FXYD6: variants seen among roughly 807,000 people sequenced by gnomAD.
FXYD6 encodes FXYD domain-containing ion transport regulator 6.
In FXYD6, 7 loss-of-function variants were observed where a neutral mutation model predicts 16.7. That is an observed-to-expected ratio of 0.42 (90% CI 0.24 to 0.79). FXYD6 has a LOEUF of 0.79. Ranked by LOEUF, FXYD6 falls within the 30% of genes least tolerant of loss-of-function variation. The pLI is 0.28. For synonymous variants in FXYD6, 49 were observed against 43.0 expected, an observed-to-expected ratio of 1.14 and a Z score of -0.54; for missense variants, 111 against 116.2, an observed-to-expected ratio of 0.95 and a Z score of 0.21.
At chr11:117,861,223 AC>A (rs1480559470) in intron 1 of FXYD6, among the ~76,000 whole-genome samples, 2 of 152,020 alleles carry the variant, frequency 1.3e-5, no homozygotes, top group African/African-American at 4.8e-5. Flanking sequence ...CCCCACTCGA[AC>A]CCTGCTGGTC....
chr11:117,847,614 T>C (rs2056503372), intron 1 of FXYD6, among the ~76,000 whole-genome samples: 1 of 149,698 alleles, frequency 6.7e-6, no homozygotes, highest in Non-Finnish European at 1.5e-5. Flanking sequence ...ACATGCGGTG[T>C]TTGGTTTTTT....
At chr11:117,875,582 AG>A (rs766115818) in intron 1 of FXYD6, among the ~76,000 whole-genome samples, 1 of 152,176 alleles carries the variant, frequency 6.6e-6, no homozygotes, top group Non-Finnish European at 1.5e-5. Flanking sequence ...GGATCCCCAA[AG>A]GGGGCTCCTT....
chr11:117,840,295 G>C (rs762999755), intron 6 of FXYD6, 24 bp downstream of exon 6: 3 of 1,614,096 alleles, frequency 1.9e-6, no homozygotes, highest in African/African-American at 2.7e-5. Context: ...TTTTCCACCT[G>C]GGCAGGTGGT....
At chr11:117,860,031 C>T (rs999915596) in intron 1 of FXYD6, among the ~76,000 whole-genome samples, 3 of 152,118 alleles carry the variant, frequency 2.0e-5, no homozygotes, top group Non-Finnish European at 2.9e-5. Context: ...CTTTTGTTAT[C>T]GTCAAAAGCA....
chr11:117,866,329 T>TG (rs1402522860), intron 1 of FXYD6, among the ~76,000 whole-genome samples: 2 of 151,362 alleles, frequency 1.3e-5, no homozygotes, highest in Non-Finnish European at 2.9e-5. Context: ...AAAAAAAAAC[T>TG]GGGGGGGAAA....
chr11:117,858,644 T>TTCTTTCC (rs2056800313), intron 1 of FXYD6, among the ~76,000 whole-genome samples: 3 of 87,546 alleles, frequency 3.4e-5, no homozygotes, highest in African/African-American at 1.1e-4. Flanking sequence ...TCTTTCTTTC[T>TTCTTTCC]TTCTTTCTTT....
chr11:117,841,641 A>G (rs1484723988), intron 4 of FXYD6, 150 bp downstream of exon 4: 1 of 765,320 alleles, frequency 1.3e-6, no homozygotes, highest in Non-Finnish European at 2.2e-6. Context: ...CTATGTGCCC[A>G]GCACTCTACT....
intron 1 of FXYD6, among the ~76,000 whole-genome samples, chr11:117,867,450 T>C (rs1157730609): frequency 1.3e-5 from 2 of 152,188 alleles, no homozygotes; most frequent in Non-Finnish European, 2.9e-5. Context: ...ACTTACCTAA[T>C]AGTGCAGTAG....
At chr11:117,849,073 A>G (rs1324789786) in intron 1 of FXYD6, among the ~76,000 whole-genome samples, 2 of 152,162 alleles carry the variant, frequency 1.3e-5, no homozygotes, top group Non-Finnish European at 2.9e-5. Flanking sequence ...TTATTTTCCA[A>G]TATAAGCATT....
chr11:117,864,470 C>T (rs2134194529), intron 1 of FXYD6, among the ~76,000 whole-genome samples: 1 of 152,292 alleles, frequency 6.6e-6, no homozygotes, highest in Non-Finnish European at 1.5e-5. Context: ...ACACGTAAAA[C>T]CTAAAACTTA....
chr11:117,858,703 C>CTTTT (rs72107481), intron 1 of FXYD6, among the ~76,000 whole-genome samples: 40 of 95,372 alleles, frequency 4.2e-4, no homozygotes, highest in African/African-American at 1.5e-3. Flanking sequence ...TTCTTTCTTT[C>CTTTT]TCTCTCTCTC....
chr11:117,841,771 G>C lies in FXYD6; in HGVS notation c.172+20C>G, dbSNP rs373756681. The C allele has an allele frequency of 8.4e-5, 135 of 1,613,252 alleles. No homozygotes were observed. The highest frequency in any genetic ancestry group is 1.1e-4 in the Non-Finnish European group (128 of 1,179,878). ...CCTCAGTCATTGCTCTTAACAGAGT[G>C]AGCAAAAGAACAAACTTACTTAGGA... is the stretch of plus-strand genomic sequence containing the variant. On this transcript the variant is annotated intron_variant, in intron 4 of 7. Coordinates refer to ENST00000526014, the MANE Select transcript of FXYD6 (RefSeq NM_022003.4).
At chr11:117,873,111 C>A (rs1160903162) in intron 1 of FXYD6, among the ~76,000 whole-genome samples, 1 of 152,172 alleles carries the variant, frequency 6.6e-6, no homozygotes, top group Admixed American at 6.5e-5. Context: ...GAGGAGGTGG[C>A]TCCCTCAGCC....
rs1017484633 is a variant in FXYD6, at chr11:117,841,646, T to G, written c.172+145A>C. 3 of 798,064 alleles carry G rather than the reference T, an allele frequency of 3.8e-6. No individual in the cohort carries two copies. The African/African-American group carries it at 5.1e-5, about 14-fold the overall frequency. 49.4% of individuals were successfully genotyped at this position (798,064 alleles called of 1,614,324 possible). Reference sequence around the variant, plus strand: ...TGAGCACTTACTATGTGCCCAGCACTCTACTGGGTCGTGAAGATAACACGG... The same window carrying G: ...TGAGCACTTACTATGTGCCCAGCACGCTACTGGGTCGTGAAGATAACACGG... On this transcript the variant is annotated intron_variant, in intron 4 of 7. Coordinates refer to ENST00000526014, the MANE Select transcript of FXYD6 (RefSeq NM_022003.4).
chr11:117,842,008 T>C lies in FXYD6; in HGVS notation c.79A>G (p.Met27Val), dbSNP rs2056358620. 3 of 1,614,186 alleles carry C rather than the reference T, an allele frequency of 1.9e-6. No homozygotes were observed. Among genetic ancestry groups the C allele is most frequent in the African/African-American group, 1.3e-5 (1 of 75,046 alleles). Residue 27 changes from methionine to valine, a missense_variant, in exon 3 of 8, where the codon ATG becomes GTG. Met to Val is a conservative substitution (Grantham distance 21). Transcript: ENST00000526014. The part of the protein sequence containing the change: ...LASAAEKEKE[M>V]DPFHYDYQTL... ...CGCTCACCATAATGAAAAGGGTCCA[T>C]TTCCTTCTCCTTTTCAGCTGCTGCA...
At chr11:117,876,316 G>C (rs1356465513) in intron 1 of FXYD6, among the ~76,000 whole-genome samples, 1 of 152,084 alleles carries the variant, frequency 6.6e-6, no homozygotes, top group African/African-American at 2.4e-5. Context: ...AGGCAGCACC[G>C]AGAGCAATTC....
At chr11:117,840,264 G>A in intron 6 of FXYD6, 55 bp downstream of exon 6, 6 of 1,611,956 alleles carry the variant, frequency 3.7e-6, no homozygotes, top group Non-Finnish European at 5.1e-6. Flanking sequence ...CTGAGCCACA[G>A]AGGGGTCTCT....
intron 1 of FXYD6, among the ~76,000 whole-genome samples, chr11:117,864,403 A>C (rs1397350995): frequency 6.6e-6 from 1 of 152,238 alleles, no homozygotes; most frequent in Non-Finnish European, 1.5e-5. Flanking sequence ...AAAAGAATAA[A>C]GGTAGACCCT....
chr11:117,858,715 C>CT lies in FXYD6; in HGVS notation c.-5-15935_-5-15934insA, dbSNP rs1565323852. Among the ~76,000 whole-genome samples, 18 of 99,468 alleles carry CT rather than the reference C, an allele frequency of 1.8e-4. 2 individuals are homozygous for CT. The East Asian group carries it at 3.5e-3, about 19-fold the overall frequency. 65.3% of individuals were successfully genotyped at this position (99,468 alleles called of 152,430 possible). On this transcript the variant is annotated intron_variant, in intron 1 of 7. Transcript: ENST00000526014. ...TCTTTCTTTCTTTCTCTCTCTCTCT[C>CT]CTTCCTTCCCTTCCTTCCTTCCTTC... is the stretch of plus-strand genomic sequence containing the variant.
Sources: gnomAD v4.1 joint callset for allele counts (sites outside exome capture counted in the v4.1 genomes callset) on GRCh38, gnomAD v4.1.1 for gene constraint, MANE v1.5 for transcripts, NCBI Gene and HGNC (gene_info 2026-07-23, HGNC 2026-07-21) for gene names.